Variants in SESTD1 observed in about 807,000 individuals in gnomAD.
The protein encoded by SESTD1 is SEC14 domain and spectrin repeat-containing protein 1.
Under a neutral mutation model 101.7 loss-of-function variants are expected in SESTD1, and 43 were observed. That is an observed-to-expected ratio of 0.42 (90% confidence interval 0.33 to 0.55). SESTD1 has a LOEUF of 0.55. Among genes scored for constraint, SESTD1 ranks in the 20% least tolerant of loss-of-function variants. SESTD1 has a pLI of 0.07. For synonymous variants in SESTD1, 283 were observed against 286.8 expected (o/e 0.99, Z 0.13); for missense variants, 647 against 815.1 (o/e 0.79, Z 2.51).
chr2:179,153,490 ACACT>A (rs2045568004), intron 5 of SESTD1, among the ~76,000 whole-genome samples: 3 of 152,218 alleles, frequency 2.0e-5, no homozygotes, highest in South Asian at 2.1e-4. Flanking sequence ...GAACACACAC[ACACT>A]CTCTCGCTCT....
At chr2:179,126,100 A>C (rs1041254461) in intron 10 of SESTD1, among the ~76,000 whole-genome samples, 1 of 152,252 alleles carries the variant, frequency 6.6e-6, no homozygotes, top group African/African-American at 2.4e-5. Flanking sequence ...TACACATTTA[A>C]GATTTGTGCA....
intron 1 of SESTD1, among the ~76,000 whole-genome samples, chr2:179,244,015 T>C (rs2047193711): frequency 6.6e-6 from 1 of 151,256 alleles, no homozygotes; most frequent in East Asian, 1.9e-4. Flanking sequence ...TCCTAGCTAC[T>C]TGGGAGGCTC....
At chr2:179,235,737 C>T (rs760578341) in intron 1 of SESTD1, among the ~76,000 whole-genome samples, 5 of 152,158 alleles carry the variant, frequency 3.3e-5, no homozygotes, top group Non-Finnish European at 5.9e-5. Flanking sequence ...TTGAAAATCC[C>T]GAATGGTACT....
chr2:179,209,240 G>A lies in SESTD1; in HGVS notation c.-25-17374C>T, dbSNP rs527735671. On this transcript the variant is annotated intron_variant, in intron 1 of 17. Coordinates refer to ENST00000428443, the MANE Select transcript of SESTD1 (RefSeq NM_178123.5). Reference sequence around the variant, plus strand: ...TTTATAAAACAATTACTACTAGACCGAAGAAATGAGACACATGGCAACACA... The same window carrying A: ...TTTATAAAACAATTACTACTAGACCAAAGAAATGAGACACATGGCAACACA... 9.7e-5 allele frequency among the ~76,000 whole-genome samples: 13 copies of A among 134,076 alleles called. 3 individuals carry two copies. In the South Asian group the frequency reaches 2.3e-3, roughly 23 times the overall value. The allele number at this position is 134,076 out of a possible 152,430, so 88.0% of individuals were successfully genotyped here. A position where few individuals can be genotyped will look rare whatever the true frequency, so the allele number is the denominator to read the frequency against.
At chr2:179,193,327 T>C (rs917642238) in intron 1 of SESTD1, among the ~76,000 whole-genome samples, 2 of 152,228 alleles carry the variant, frequency 1.3e-5, no homozygotes, top group South Asian at 2.1e-4. Context: ...CAAGTTCCCT[T>C]GAATATTTGC....
At chr2:179,209,990 T>A (rs1212476439) in intron 1 of SESTD1, among the ~76,000 whole-genome samples, 1 of 131,164 alleles carries the variant, frequency 7.6e-6, no homozygotes, top group Non-Finnish European at 1.6e-5. Flanking sequence ...AGAGAGAAGA[T>A]CCAAATAAGC....
At chr2:179,162,811 C>T (rs1336597865) in intron 5 of SESTD1, among the ~76,000 whole-genome samples, 1 of 125,882 alleles carries the variant, frequency 7.9e-6, no homozygotes, top group Non-Finnish European at 1.6e-5. Flanking sequence ...ATGGTGAAAC[C>T]TCGTCTCTAG....
chr2:179,217,316 A>G (rs1235665635), intron 1 of SESTD1, among the ~76,000 whole-genome samples: 1 of 152,244 alleles, frequency 6.6e-6, no homozygotes, highest in Non-Finnish European at 1.5e-5. Context: ...AAAAGTGGGC[A>G]AAGGATATAA....
At chr2:179,185,734 A>ATATAATATAGCATATTAT (rs1559134349) in intron 2 of SESTD1, among the ~76,000 whole-genome samples, 2,657 of 54,926 alleles carry the variant, frequency 0.048, 57 homozygotes, top group Non-Finnish European at 0.071. Context: ...TATTATATAT[A>ATATAATATAGCATATTAT]ATATAATATA....
At chr2:179,172,581 A>C (rs1430865661) in intron 4 of SESTD1, among the ~76,000 whole-genome samples, 2 of 152,186 alleles carry the variant, frequency 1.3e-5, no homozygotes, top group East Asian at 1.9e-4. Context: ...ACAGTATGAA[A>C]AATTTTTTCT....
intron 7 of SESTD1, among the ~76,000 whole-genome samples, chr2:179,147,697 T>C (rs1044110063): frequency 6.6e-6 from 1 of 152,144 alleles, no homozygotes; most frequent in Non-Finnish European, 1.5e-5. Context: ...TTAAATAGGT[T>C]TCTTTGCTGC....
Position 179,107,829 on chromosome 2 carries a change from T to C in SESTD1, c.*2070A>G, listed in dbSNP as rs1016150694. On this transcript the variant is annotated 3_prime_UTR_variant, in exon 18 of 18. Coordinates refer to ENST00000428443, the MANE Select transcript of SESTD1 (RefSeq NM_178123.5). ...TACAGACATAAACAACTGTAGAATG[T>C]GATAGCACCATCATGAAGACTGAAA... The C allele has an allele frequency of 6.6e-6, 1 of 152,002 alleles. No homozygotes were observed. Among genetic ancestry groups the C allele is most frequent in the African/African-American group, 2.4e-5 (1 of 41,288 alleles). The allele number at this position is 152,002 out of a possible 1,614,324, so 9.4% of individuals were successfully genotyped here.
intron 1 of SESTD1, among the ~76,000 whole-genome samples, chr2:179,251,015 G>GA (rs1313735215): frequency 6.6e-6 from 1 of 152,120 alleles, no homozygotes; most frequent in African/African-American, 2.4e-5. Context: ...TCAAAAGCTA[G>GA]AAACAGCCTA....
rs1455777474 is a variant in SESTD1 at position 179,105,008 on chromosome 2, T to TA, written c.*4890dup. The TA allele has an allele frequency of 1.3e-5, 2 of 152,094 alleles. No individual in the cohort carries two copies. Among genetic ancestry groups the TA allele is most frequent in the African/African-American group, 4.8e-5 (2 of 41,412 alleles). 9.4% of individuals were successfully genotyped at this position (152,094 alleles called of 1,614,324 possible). The stretch of plus-strand genomic sequence containing the variant: ...CATACCCATGAACTTTTTTCAGTCT[T>TA]AAAGACTCCCCTGTATTTATGCCAG... On this transcript the variant is annotated 3_prime_UTR_variant, in exon 18 of 18. Transcript: ENST00000428443.
chr2:179,126,458 A>C (rs752537489), intron 10 of SESTD1, among the ~76,000 whole-genome samples: 7 of 151,822 alleles, frequency 4.6e-5, no homozygotes, highest in Non-Finnish European at 8.8e-5. Flanking sequence ...TTTGCACTTA[A>C]AGTTTAGGTT....
At chr2:179,249,190 AGG>A (rs1366278219) in intron 1 of SESTD1, among the ~76,000 whole-genome samples, 1 of 149,300 alleles carries the variant, frequency 6.7e-6, no homozygotes, top group Non-Finnish European at 1.5e-5. Flanking sequence ...TAACAAGGAA[AGG>A]AAATAAAAGG....
chr2:179,141,717 A>C (rs951174991), intron 9 of SESTD1, among the ~76,000 whole-genome samples: 1 of 151,652 alleles, frequency 6.6e-6, no homozygotes, highest in South Asian at 2.1e-4. Flanking sequence ...CCCAAGGTCA[A>C]GCAGCTTGGA....
rs182259569 is a variant in SESTD1 at position 179,256,680 on chromosome 2, C to T, written c.-26+7819G>A. 1.7e-3 allele frequency among the ~76,000 whole-genome samples: 260 copies of T among 152,008 alleles called. 4 individuals carry two copies. In the East Asian group the frequency reaches 0.049, roughly 29 times the overall value. On this transcript the variant is annotated intron_variant, in intron 1 of 17. Transcript: ENST00000428443. ...ACAAAAAATGAGCCGGGCATGGTGG[C>T]AGGAGCCTGTAGTCCCAGCTACTCG...
chr2:179,196,524 G>T (rs1413580701), intron 1 of SESTD1, among the ~76,000 whole-genome samples: 1 of 152,264 alleles, frequency 6.6e-6, no homozygotes, highest in Non-Finnish European at 1.5e-5. Context: ...CAAACAAAAA[G>T]ACAGCAGTAA....
Sources: allele counts gnomAD v4.1 joint callset (sites outside exome capture counted in the v4.1 genomes callset), GRCh38; gene constraint gnomAD v4.1.1; transcripts MANE v1.5; gene names NCBI Gene and HGNC (gene_info 2026-07-23, HGNC 2026-07-21).